STEAP2: variants seen among roughly 807,000 people sequenced by gnomAD.
STEAP2 encodes the protein metalloreductase STEAP2.
Under a neutral mutation model 46.4 loss-of-function variants are expected in STEAP2, and 30 were observed. The observed-to-expected ratio is 0.65, with a 90% CI of 0.48 to 0.88. The LOEUF is 0.88. Ranked by LOEUF, STEAP2 falls within the 40% of genes least tolerant of loss-of-function variation. STEAP2 has a pLI of 0.00. For synonymous variants in STEAP2, 180 were observed against 200.5 expected (o/e 0.90, Z 0.86); for missense variants, 513 against 579.3 (o/e 0.89, Z 1.18).
At position 90,227,503 on chromosome 7, in the gene STEAP2, T is replaced by G. The variant is rs1392213917; in HGVS notation, c.1020+5T>G. On this transcript the variant is annotated splice_donor_5th_base_variant and intron_variant, in intron 4 of 5. Coordinates refer to ENST00000394621, the MANE Select transcript of STEAP2 (RefSeq NM_001244944.2). ...CTCAACATGGCTTATCAGCAGGTACTGAATGTGCTTGTTATTTATCTGATG... is the reference window on the plus strand; with the variant it reads ...CTCAACATGGCTTATCAGCAGGTACGGAATGTGCTTGTTATTTATCTGATG... The G allele has an allele frequency of 6.5e-7, 1 of 1,542,982 alleles. No individual in the cohort carries two copies. Among genetic ancestry groups the G allele is most frequent in the South Asian group, 1.2e-5 (1 of 80,274 alleles).
chr7:90,238,792 A>C (rs1480996145), downstream of STEAP2, among the ~76,000 whole-genome samples: 1 of 152,182 alleles, frequency 6.6e-6, no homozygotes, highest in African/African-American at 2.4e-5. Flanking sequence ...TGGGAAGTGA[A>C]ACAAGAGACA....
downstream of STEAP2, among the ~76,000 whole-genome samples, chr7:90,238,873 G>A (rs554107047): frequency 6.6e-6 from 1 of 152,330 alleles, no homozygotes; most frequent in East Asian, 1.9e-4. Flanking sequence ...AGACCCCTGA[G>A]AGTAGAAAAA....
Position 90,225,214 on chromosome 7 carries a change from C to T in STEAP2, c.132C>T (p.Ser44=), listed in dbSNP as rs1427740480. 1.9e-6 allele frequency: 3 copies of T among 1,613,800 alleles called. No homozygotes were observed. The highest frequency in any genetic ancestry group is 2.7e-5 in the African/African-American group (2 of 74,868). Residue 44 remains serine (S), a synonymous_variant, in exon 3 of 6, where the codon TCC becomes TCT. Transcript: ENST00000394621. ...GVIGSGDFAK[S]LTIRLIRCGY... The stretch of plus-strand genomic sequence containing the variant: ...TTGGAAGTGGAGATTTTGCCAAATC[C>T]TTGACCATTCGACTTATTAGATGCG...
Position 90,236,488 on chromosome 7 carries a change from T to C in STEAP2, c.*3864T>C, listed in dbSNP as rs1318974716. On this transcript the variant is annotated 3_prime_UTR_variant, in exon 6 of 6. Coordinates refer to ENST00000394621, the MANE Select transcript of STEAP2 (RefSeq NM_001244944.2). ...CTACCTTCAATTGTTCATCAGTGGG[T>C]AAAACAAATTCTGATGTACATTCAG... 3 of 1,002,164 alleles carry C rather than the reference T, an allele frequency of 3.0e-6. No homozygotes were observed. The highest frequency in any genetic ancestry group is 3.6e-6 in the Non-Finnish European group (3 of 840,860). The allele number at this position is 1,002,164 out of a possible 1,614,324, so 62.1% of individuals were successfully genotyped here.
rs185963916 is a variant in STEAP2, at chr7:90,234,113, C to T, written c.*1489C>T. ...CTGAGAAGTTCTCCTGCCTGCATAA[C>T]CATTCATTAGGGAGTACTTTACAAG... is the stretch of plus-strand genomic sequence containing the variant. On this transcript the variant is annotated 3_prime_UTR_variant, in exon 6 of 6. Transcript: ENST00000394621. 1 of 985,310 alleles carries T rather than the reference C, an allele frequency of 1.0e-6. No individual in the cohort carries two copies. The highest frequency in any genetic ancestry group is 1.1e-4 in the East Asian group (1 of 8,814). 61.0% of individuals were successfully genotyped at this position (985,310 alleles called of 1,614,324 possible).
At chr7:90,214,181 G>T (rs1181664435) in intron 1 of STEAP2, among the ~76,000 whole-genome samples, 1 of 152,222 alleles carries the variant, frequency 6.6e-6, no homozygotes, top group Non-Finnish European at 1.5e-5. Context: ...GGTATTGGTG[G>T]AGAGGGATTT....
chr7:90,212,645 A>C (rs1794862717), intron 1 of STEAP2, among the ~76,000 whole-genome samples: 1 of 152,234 alleles, frequency 6.6e-6, no homozygotes, highest in Non-Finnish European at 1.5e-5. Context: ...TAGAGCAGAG[A>C]GATAAAGAGC....
Position 90,235,453 on chromosome 7 carries a change from C to CT in STEAP2, c.*2831dup, listed in dbSNP as rs1311480516. On this transcript the variant is annotated 3_prime_UTR_variant, in exon 6 of 6. Transcript: ENST00000394621. Reference sequence around the variant, plus strand: ...ATAATCATTATTTTTCTGAACCATTCTTCTGGCCTCAGAAGTAGGACTGAA... The same window carrying CT: ...ATAATCATTATTTTTCTGAACCATTCTTTCTGGCCTCAGAAGTAGGACTGAA... The CT allele has an allele frequency of 1.0e-6, 1 of 984,802 alleles. No homozygotes were observed. The highest frequency in any genetic ancestry group is 1.2e-6 in the Non-Finnish European group (1 of 829,650). The allele number at this position is 984,802 out of a possible 1,614,324, so 61.0% of individuals were successfully genotyped here. A position where few individuals can be genotyped will look rare whatever the true frequency, so the allele number is the denominator to read the frequency against.
At chr7:90,238,039 CA>C (rs1467030403), downstream of STEAP2, 13 of 716,748 alleles carry the variant, frequency 1.8e-5, no homozygotes, top group Admixed American at 1.4e-4. Context: ...TATCATCCCG[CA>C]TCCATGCAGC....
In STEAP2 at chr7:90,235,365, AC is replaced by A; in HGVS notation, c.*2742del. ...TTAAATGCTTTTCTAAAAATGCAAAACTATGATGTTTAGTTGCTTTATTTTA... is the reference window on the plus strand; with the variant it reads ...TTAAATGCTTTTCTAAAAATGCAAAATATGATGTTTAGTTGCTTTATTTTA... On this transcript the variant is annotated 3_prime_UTR_variant, in exon 6 of 6. Transcript: ENST00000394621. 2.1e-6 allele frequency: 2 copies of A among 958,776 alleles called. No homozygotes were observed. The highest frequency in any genetic ancestry group is 2.5e-6 in the Non-Finnish European group (2 of 805,610). The allele number at this position is 958,776 out of a possible 1,614,324, so 59.4% of individuals were successfully genotyped here. A position where few individuals can be genotyped will look rare whatever the true frequency, so the allele number is the denominator to read the frequency against.
In STEAP2 at chr7:90,236,641, T is replaced by C. The variant is rs1795969056; in HGVS notation, c.*4017T>C. On this transcript the variant is annotated 3_prime_UTR_variant, in exon 6 of 6. Transcript: ENST00000394621. ...CTTTTTTTTTAGTATGAGAAAATTA[T>C]ACAGTGCTTAATTTTCAGAGATTCT... The C allele has an allele frequency of 1.9e-5, 23 of 1,216,996 alleles. No individual in the cohort carries two copies. The highest frequency in any genetic ancestry group is 4.3e-5 in the Admixed American group (1 of 23,526). 75.4% of individuals were successfully genotyped at this position (1,216,996 alleles called of 1,614,324 possible).
Position 90,221,212 on chromosome 7 carries a change from C to T in STEAP2, c.-33-3838C>T, listed in dbSNP as rs185171857. Among the ~76,000 whole-genome samples, 9 of 152,182 alleles carry T rather than the reference C, an allele frequency of 5.9e-5. No individual in the cohort carries two copies. In the East Asian group the frequency reaches 9.6e-4, roughly 16 times the overall value. ...AGATTATCTGTCAGATGCTGGCAGG[C>T]GGTGTTGAAGTCCCCAAATGTTGTT... On this transcript the variant is annotated intron_variant, in intron 2 of 5. Coordinates refer to ENST00000394621, the MANE Select transcript of STEAP2 (RefSeq NM_001244944.2).
chr7:90,240,499 CT>C (rs1324435030), downstream of STEAP2, among the ~76,000 whole-genome samples: 1 of 151,862 alleles, frequency 6.6e-6, no homozygotes, highest in Non-Finnish European at 1.5e-5. This position sits in a 1 kb window ranked among gnomAD's most constrained non-coding sequence, Gnocchi z 4.1. Context: ...CATATATAGT[CT>C]CAAATACTTA....
chr7:90,226,286 A>T (rs1795487712), intron 3 of STEAP2, among the ~76,000 whole-genome samples: 1 of 152,150 alleles, frequency 6.6e-6, no homozygotes, highest in Non-Finnish European at 1.5e-5. Context: ...AAATAGTCTA[A>T]ATTTGTATTA....
intron 5 of STEAP2, among the ~76,000 whole-genome samples, chr7:90,230,343 A>C (rs1345960059): frequency 6.6e-6 from 1 of 152,064 alleles, no homozygotes; most frequent in Non-Finnish European, 1.5e-5. Context: ...GATCAAATTT[A>C]ATGTTGAAAG....
At chr7:90,225,015 G>A (rs1011094176) in intron 2 of STEAP2, 35 bp from the exon 3 acceptor site, 1 of 1,530,128 alleles carries the variant, frequency 6.5e-7, no homozygotes, top group Admixed American at 2.0e-5. Flanking sequence ...TTCAGTAATA[G>A]GTAACTGATG....
At chr7:90,215,459 A>T (rs194509) in intron 1 of STEAP2, 136,334 of 152,330 alleles carry the variant, frequency 0.89, 61,250 homozygotes, top group East Asian at 1. Context: ...TTCCCTATCA[A>T]AATAATACAT....
rs989272615 is a variant in STEAP2 at position 90,234,094 on chromosome 7, A to G, written c.*1470A>G. On this transcript the variant is annotated 3_prime_UTR_variant, in exon 6 of 6. Coordinates refer to ENST00000394621, the MANE Select transcript of STEAP2 (RefSeq NM_001244944.2). ...GTCTTCTCCTTTTCTCTTCCTGAGA[A>G]GTTCTCCTGCCTGCATAACCATTCA... The G allele has an allele frequency of 2.0e-6, 2 of 985,318 alleles. No individual in the cohort carries two copies. The highest frequency in any genetic ancestry group is 3.5e-5 in the African/African-American group (2 of 57,230). 61.0% of individuals were successfully genotyped at this position (985,318 alleles called of 1,614,324 possible).
chr7:90,225,715 A>G (rs1252939652), intron 3 of STEAP2, 141 bp downstream of exon 3: 6 of 998,126 alleles, frequency 6.0e-6, no homozygotes, highest in Non-Finnish European at 8.5e-6. Context: ...CCTGAAGATT[A>G]ATGTCCTGAC....
Sources: allele counts gnomAD v4.1 joint callset (sites outside exome capture counted in the v4.1 genomes callset), GRCh38; gene constraint gnomAD v4.1.1; non-coding constraint Gnocchi (gnomAD v3.1); transcripts MANE v1.5; gene names NCBI Gene and HGNC (gene_info 2026-07-23, HGNC 2026-07-21).